Variants in RXRA observed in about 807,000 individuals in gnomAD.
RXRA encodes retinoid X receptor alpha.
RXRA carries 5 observed loss-of-function variants against 44.5 expected under a neutral mutation model. That is an observed-to-expected ratio of 0.11 (90% CI 0.06 to 0.24). RXRA has a LOEUF of 0.24. RXRA is among the 10% of genes least tolerant of loss of function. The pLI is 1.00. For synonymous variants in RXRA, 291 were observed against 271.4 expected, an observed-to-expected ratio of 1.07 and a Z score of -0.71; for missense variants, 412 against 646.5, an observed-to-expected ratio of 0.64 and a Z score of 3.93.
rs1003675004 is a variant in RXRA at position 134,342,769 on chromosome 9, C to T, written c.28+16110C>T. Among the ~76,000 whole-genome samples the T allele has an allele frequency of 6.6e-6, 1 of 152,094 alleles. No individual in the cohort carries two copies. The highest frequency in any genetic ancestry group is 6.5e-5 in the Admixed American group (1 of 15,282). On this transcript the variant is annotated intron_variant, in intron 1 of 9. Coordinates refer to ENST00000481739, the MANE Select transcript of RXRA (RefSeq NM_002957.6). The surrounding 1 kb of genome is among the most constrained non-coding windows in gnomAD (Gnocchi z 4.4). Reference sequence around the variant, plus strand: ...GGCCCCATAGGAGAGTGGACAGCGCCGCGGAGGAGGCTGCCTACCTGCCTT... The same window carrying T: ...GGCCCCATAGGAGAGTGGACAGCGCTGCGGAGGAGGCTGCCTACCTGCCTT...
intron 1 of RXRA, among the ~76,000 whole-genome samples, chr9:134,339,688 T>G (rs1254752466): frequency 6.7e-6 from 1 of 150,148 alleles, no homozygotes; most frequent in East Asian, 2.0e-4. Flanking sequence ...TGTGTGTGTG[T>G]GTCTCTGTGT....
chr9:134,408,144 C>CT lies in RXRA; in HGVS notation c.280-5_280-4insT. ...CCCGCTGACTGCTGTGGTTGCCCCC[C>CT]CCAGCTCAGCTCACCTATGAACCCC... On this transcript the variant is annotated splice_polypyrimidine_tract_variant and splice_region_variant and intron_variant, in intron 2 of 9. Coordinates refer to ENST00000481739, the MANE Select transcript of RXRA (RefSeq NM_002957.6). 1 of 1,546,998 alleles carries CT rather than the reference C, an allele frequency of 6.5e-7. No individual in the cohort carries two copies. Among genetic ancestry groups the CT allele is most frequent in the Non-Finnish European group, 8.7e-7 (1 of 1,148,994 alleles).
chr9:134,373,443 C>T (rs1169650631), intron 1 of RXRA, among the ~76,000 whole-genome samples: 3 of 152,180 alleles, frequency 2.0e-5, no homozygotes, highest in African/African-American at 4.8e-5. Flanking sequence ...TTTCCCAGGC[C>T]GTTGGCCCAT....
chr9:134,357,841 C>T (rs187143697), intron 1 of RXRA, among the ~76,000 whole-genome samples: 30 of 152,326 alleles, frequency 2.0e-4, no homozygotes, highest in African/African-American at 6.7e-4. Flanking sequence ...ATTGGTTTTT[C>T]CCTGGCAACC....
intron 1 of RXRA, among the ~76,000 whole-genome samples, chr9:134,367,256 C>T (rs923224590): frequency 6.6e-6 from 1 of 152,174 alleles, no homozygotes. Flanking sequence ...TCTGCCTGGT[C>T]TGGCGTTTGT....
chr9:134,387,168 T>G (rs1369095428), intron 1 of RXRA, among the ~76,000 whole-genome samples: 6 of 152,210 alleles, frequency 3.9e-5, no homozygotes, highest in Non-Finnish European at 8.8e-5. Context: ...ACACCCATCC[T>G]GCTGGTGGAG....
intron 1 of RXRA, among the ~76,000 whole-genome samples, chr9:134,348,264 G>A (rs1830178780): frequency 6.6e-6 from 1 of 152,218 alleles, no homozygotes; most frequent in African/African-American, 2.4e-5. Flanking sequence ...CTCCCAGGAG[G>A]TGAAACCCCA....
intron 1 of RXRA, among the ~76,000 whole-genome samples, chr9:134,401,027 G>A (rs1245503471): frequency 6.6e-6 from 1 of 152,206 alleles, no homozygotes; most frequent in Non-Finnish European, 1.5e-5. Flanking sequence ...AGCAGGCGCC[G>A]CCAGTCCTGG....
chr9:134,389,202 A>G (rs1300202553), intron 1 of RXRA, among the ~76,000 whole-genome samples: 2 of 152,112 alleles, frequency 1.3e-5, no homozygotes, highest in African/African-American at 2.4e-5. Flanking sequence ...ATTTCACGGA[A>G]CCCGTTTTCC....
chr9:134,377,144 G>A (rs1299439329), intron 1 of RXRA, among the ~76,000 whole-genome samples: 1 of 152,204 alleles, frequency 6.6e-6, no homozygotes, highest in Non-Finnish European at 1.5e-5. Context: ...CAAGCTCGCT[G>A]CATCCGTGCT....
rs185726522 is a variant in RXRA, at chr9:134,343,741, C to G, written c.28+17082C>G. ...CCTCGGGACCAACCCTCCATCCGCC[C>G]GTCCCCAGCCGGGCGCGGCACTGAG... is the stretch of plus-strand genomic sequence containing the variant. On this transcript the variant is annotated intron_variant, in intron 1 of 9. Coordinates refer to ENST00000481739, the MANE Select transcript of RXRA (RefSeq NM_002957.6). This position sits in a 1 kb window ranked among gnomAD's most constrained non-coding sequence, Gnocchi z 4.1. 0.01 allele frequency among the ~76,000 whole-genome samples: 1,578 copies of G among 152,238 alleles called. 9 individuals are homozygous for G. Among genetic ancestry groups the G allele is most frequent in the Non-Finnish European group, 0.015 (1,013 of 67,994 alleles).
intron 1 of RXRA, among the ~76,000 whole-genome samples, chr9:134,354,629 G>C (rs1187762773): frequency 1.3e-5 from 2 of 152,234 alleles, no homozygotes; most frequent in African/African-American, 4.8e-5. Context: ...TGTGCCCCAG[G>C]GTGAGCCCTG....
At chr9:134,356,058 G>A (rs1003179256) in intron 1 of RXRA, among the ~76,000 whole-genome samples, 1 of 152,206 alleles carries the variant, frequency 6.6e-6, no homozygotes, top group Non-Finnish European at 1.5e-5. Flanking sequence ...TGTGGGATCT[G>A]GCTTGGGCCT....
At chr9:134,430,266 G>C (rs934509788) in intron 7 of RXRA, among the ~76,000 whole-genome samples, 1 of 152,234 alleles carries the variant, frequency 6.6e-6, no homozygotes, top group South Asian at 2.1e-4. Flanking sequence ...GTCAGCTTCA[G>C]CTGGAGCGGG....
intron 1 of RXRA, among the ~76,000 whole-genome samples, chr9:134,351,991 A>G (rs1830227319): frequency 6.6e-6 from 1 of 152,174 alleles, no homozygotes. Context: ...TGAGGTTGAG[A>G]GTCCTACCAA....
chr9:134,356,764 C>T (rs1049522069), intron 1 of RXRA, among the ~76,000 whole-genome samples: 1 of 152,228 alleles, frequency 6.6e-6, no homozygotes, highest in Non-Finnish European at 1.5e-5. Flanking sequence ...ACAAGCTTCT[C>T]TGGTGGCACC....
chr9:134,401,957 C>A, intron 2 of RXRA, 75 bp downstream of exon 2: 1 of 1,263,442 alleles, frequency 7.9e-7, no homozygotes, highest in Non-Finnish European at 1.1e-6. Context: ...AGGACGACCG[C>A]CTCATCTTGA....
chr9:134,333,089 G>A (rs1835031353), intron 1 of RXRA, among the ~76,000 whole-genome samples: 1 of 152,202 alleles, frequency 6.6e-6, no homozygotes, highest in Non-Finnish European at 1.5e-5. Context: ...GAGCAGCCGG[G>A]CCTCTTGGGG....
chr9:134,339,894 C>A (rs1830065624), intron 1 of RXRA, among the ~76,000 whole-genome samples: 2 of 150,734 alleles, frequency 1.3e-5, no homozygotes, highest in South Asian at 2.1e-4. Context: ...CTTGTGTGAG[C>A]CTGTGTGTGT....
Sources: gnomAD v4.1 joint callset for allele counts (sites outside exome capture counted in the v4.1 genomes callset) on GRCh38, gnomAD v4.1.1 for gene constraint, Gnocchi (gnomAD v3.1) non-coding constraint, MANE v1.5 for transcripts, NCBI Gene and HGNC (gene_info 2026-07-23, HGNC 2026-07-21) for gene names.